KCTD1: variants seen among roughly 807,000 people sequenced by gnomAD.
KCTD1 encodes potassium channel tetramerization domain containing 1, also known as BTB/POZ domain-containing protein KCTD1.
Under a neutral mutation model 66.0 loss-of-function variants are expected in KCTD1, and 24 were observed. The observed-to-expected ratio is 0.36, with a 90% CI of 0.26 to 0.51. KCTD1 has a LOEUF of 0.51. KCTD1 is among the 20% of genes least tolerant of loss of function. KCTD1 has a pLI of 0.95. For missense variants in KCTD1, 943 were observed against 1,205.2 expected, an observed-to-expected ratio of 0.78 and a Z score of 3.22; for synonymous variants, 511 against 517.2, an observed-to-expected ratio of 0.99 and a Z score of 0.16.
chr18:26,642,877 G>A (rs578084937), upstream of KCTD1, among the ~76,000 whole-genome samples: 51 of 152,084 alleles, frequency 3.4e-4, no homozygotes, highest in Admixed American at 2.6e-3. Flanking sequence ...TACAACCTGC[G>A]GGGAGGGTGG....
In KCTD1 at chr18:26,548,253, T is replaced by C; in HGVS notation, c.284A>G (p.Glu95Gly). The part of the protein sequence containing the change: ...LEEDEEEEEE[E>G]EMGLDWDEPL... ...CTCGTCCCAGTCCAGCCCCATCTCC[T>C]CCTCTTCCTCCTCCTCCTCGTCCTC... is the stretch of plus-strand genomic sequence containing the variant. Residue 95 changes from glutamate to glycine, a missense_variant, in exon 1 of 5, where the codon GAG becomes GGG. This residue lies in a region of KCTD1 where 236 missense variants were observed against 206.6 expected (regional missense o/e 1.14). Transcript: ENST00000580059. The C allele has an allele frequency of 6.6e-7, 1 of 1,513,026 alleles. No homozygotes were observed. Among genetic ancestry groups the C allele is most frequent in the South Asian group, 1.2e-5 (1 of 81,172 alleles). 93.7% of individuals were successfully genotyped at this position (1,513,026 alleles called of 1,614,324 possible).
intron 1 of KCTD1, chr18:26,545,046 C>G (rs529966259): frequency 6.6e-6 from 1 of 152,230 alleles, no homozygotes; most frequent in East Asian, 1.9e-4. Flanking sequence ...TAGAACAAAA[C>G]AAAACCAATG....
Position 26,547,023 on chromosome 18 carries a change from G to A in KCTD1, c.1514C>T (p.Pro505Leu), listed in dbSNP as rs1461309467. The part of the protein sequence containing the change: ...PPTHPSHHHR[P>L]QPPSLGNTYI... ...AGTGTTCCCCAGCGAGGGCGGCTGG[G>A]GGCGGTGGTGGTGGGAGGGATGGGT... The change falls in exon 1 of 5, where the codon CCC becomes CTC. Residue 505 changes from proline (P) to leucine (L), a missense_variant. Pro to Leu is a moderately conservative substitution (Grantham distance 98). This residue lies in a region of KCTD1 where 197 missense variants were observed against 182.7 expected (regional missense o/e 1.08). Transcript: ENST00000580059. 6.7e-7 allele frequency: 1 copy of A among 1,486,282 alleles called. No individual in the cohort carries two copies. The highest frequency in any genetic ancestry group is 1.3e-5 in the South Asian group (1 of 74,668). 92.1% of individuals were successfully genotyped at this position (1,486,282 alleles called of 1,614,324 possible). A position where few individuals can be genotyped will look rare whatever the true frequency, so the allele number is the denominator to read the frequency against.
intron 1 of KCTD1, among the ~76,000 whole-genome samples, chr18:26,620,432 ATTTTTT>A (rs76367093): frequency 1.3e-5 from 1 of 74,392 alleles, no homozygotes; most frequent in Non-Finnish European, 2.4e-5. Context: ...TCAAAATTGC[ATTTTTT>A]TTTTTTTTTT....
chr18:26,561,388 C>T (rs190069440), intron 1 of KCTD1, among the ~76,000 whole-genome samples: 15 of 152,176 alleles, frequency 9.9e-5, no homozygotes, highest in African/African-American at 2.7e-4. Context: ...GAATTGGGTC[C>T]GTCCATGTGC....
chr18:26,574,657 C>G (rs1986183562), intron 1 of KCTD1, among the ~76,000 whole-genome samples: 1 of 152,160 alleles, frequency 6.6e-6, no homozygotes, highest in East Asian at 1.9e-4. Context: ...TTTTAATGTA[C>G]TATATTTCAC....
chr18:26,509,084 T>C (rs1253005540), intron 1 of KCTD1, among the ~76,000 whole-genome samples: 1 of 152,040 alleles, frequency 6.6e-6, no homozygotes, highest in Non-Finnish European at 1.5e-5. Context: ...CTCTATGGTC[T>C]CTATTGACTT....
upstream of KCTD1, chr18:26,548,737 G>A (rs1180034149): frequency 2.0e-5 from 20 of 1,019,832 alleles, no homozygotes; most frequent in Non-Finnish European, 2.3e-5. Flanking sequence ...GGGGAGGGGG[G>A]GACAAGTTAG....
chr18:26,476,472 A>G lies in KCTD1; in HGVS notation c.2133+43T>C, dbSNP rs780390973. ...ATATTTTTTTGGAGCACATAAAAAA[A>G]TCACATATTTATGCTATTGGTGATT... On this transcript the variant is annotated intron_variant, in intron 3 of 4. Transcript: ENST00000580059. The surrounding 1 kb of genome is among the most constrained non-coding windows in gnomAD (Gnocchi z 4.9). 2 of 1,562,138 alleles carry G rather than the reference A, an allele frequency of 1.3e-6. No individual in the cohort carries two copies. The highest frequency in any genetic ancestry group is 2.0e-4 in the Middle Eastern group (1 of 4,906).
chr18:26,480,517 C>T (rs1223808424), intron 2 of KCTD1, among the ~76,000 whole-genome samples: 1 of 152,172 alleles, frequency 6.6e-6, no homozygotes, highest in African/African-American at 2.4e-5. Context: ...TGCCTGTAAT[C>T]CCAGCACTTT....
At chr18:26,467,253 C>G (rs1339858594) in intron 3 of KCTD1, among the ~76,000 whole-genome samples, 2 of 151,670 alleles carry the variant, frequency 1.3e-5, no homozygotes, top group Non-Finnish European at 2.9e-5. Context: ...GGTGGTGGCT[C>G]ACACCTGTAA....
intron 1 of KCTD1, among the ~76,000 whole-genome samples, chr18:26,592,780 GCAGCTAA>G (rs1318366149): frequency 2.6e-5 from 4 of 152,196 alleles, no homozygotes; most frequent in Admixed American, 6.5e-5. Context: ...GTCCCTGGAA[GCAGCTAA>G]TCTAATGGGG....
chr18:26,560,565 A>G (rs745796157), intron 1 of KCTD1, among the ~76,000 whole-genome samples: 4 of 152,188 alleles, frequency 2.6e-5, no homozygotes, highest in Admixed American at 6.5e-5. Context: ...CTAATGTGCA[A>G]CTAAGATTGG....
intron 1 of KCTD1, among the ~76,000 whole-genome samples, chr18:26,521,536 C>T (rs1046184681): frequency 6.6e-6 from 1 of 152,158 alleles, no homozygotes; most frequent in Non-Finnish European, 1.5e-5. Flanking sequence ...GTGTCTCCTA[C>T]AGGGCTACGG....
At chr18:26,633,879 C>T (rs1987670375), upstream of KCTD1, among the ~76,000 whole-genome samples, 1 of 152,130 alleles carries the variant, frequency 6.6e-6, no homozygotes, top group Non-Finnish European at 1.5e-5. Context: ...GTAAATTGTA[C>T]AGCATTTTGG....
chr18:26,479,416 C>T (rs981817926), intron 2 of KCTD1, among the ~76,000 whole-genome samples: 1 of 152,218 alleles, frequency 6.6e-6, no homozygotes, highest in African/African-American at 2.4e-5. Context: ...AAACCGCAGA[C>T]CCCCCGCCAG....
chr18:26,589,664 A>AT (rs1401565993), intron 1 of KCTD1, among the ~76,000 whole-genome samples: 1 of 152,112 alleles, frequency 6.6e-6, no homozygotes, highest in African/African-American at 2.4e-5. Flanking sequence ...ACAGAACCCC[A>AT]TTTTTATTCA....
At chr18:26,651,204 CCGG>C (rs1293284852) in intron 1 of KCTD1, among the ~76,000 whole-genome samples, 1 of 152,122 alleles carries the variant, frequency 6.6e-6, no homozygotes, top group African/African-American at 2.4e-5. Context: ...GGAATGGAAG[CCGG>C]TGGCAGAACA....
intron 1 of KCTD1, among the ~76,000 whole-genome samples, chr18:26,647,455 G>A (rs1987948683): frequency 7.2e-6 from 1 of 138,568 alleles, no homozygotes; most frequent in Non-Finnish European, 1.5e-5. Flanking sequence ...AGGCAGCGGA[G>A]GTTGCGGTGA....
Sources: gnomAD v4.1 joint callset for allele counts (sites outside exome capture counted in the v4.1 genomes callset) on GRCh38, gnomAD v4.1.1 for gene constraint, gnomAD v4.1.1 regional missense constraint, Gnocchi (gnomAD v3.1) non-coding constraint, MANE v1.5 for transcripts, NCBI Gene and HGNC (gene_info 2026-07-23, HGNC 2026-07-21) for gene names.